The following FAT3 variants were observed in gnomAD, a reference collection of about 807,000 sequenced individuals.
The protein encoded by FAT3 is FAT atypical cadherin 3, also known as protocadherin Fat 3.
A neutral mutation model predicts 310.2 loss-of-function variants in FAT3; 95 were observed. The ratio of observed to expected loss-of-function variants is 0.31; its 90% CI spans 0.26 to 0.36. FAT3 has a LOEUF of 0.36. FAT3 is among the 10% of genes least tolerant of loss of function. FAT3 has a pLI of 1.00. For missense variants in FAT3, 5,408 were observed against 5,715.6 expected (o/e 0.95, Z 1.74); for synonymous variants, 2,314 against 2,192.9 (o/e 1.06, Z -1.54).
chr11:92,573,203 C>A (rs1389771132), intron 3 of FAT3, among the ~76,000 whole-genome samples: 3 of 152,058 alleles, frequency 2.0e-5, no homozygotes, highest in African/African-American at 7.2e-5. Flanking sequence ...TTTAAATTAC[C>A]ATCTTGGGTA....
At chr11:92,428,423 C>T (rs1041554759) in intron 2 of FAT3, among the ~76,000 whole-genome samples, 1 of 151,596 alleles carries the variant, frequency 6.6e-6, no homozygotes, top group African/African-American at 2.4e-5. Flanking sequence ...CTTCTGCTAG[C>T]TTTTGTACTT....
intron 3 of FAT3, among the ~76,000 whole-genome samples, chr11:92,552,505 A>C (rs1011141070): frequency 3.9e-5 from 6 of 152,196 alleles, no homozygotes; most frequent in African/African-American, 1.2e-4. Context: ...TATATTTACT[A>C]TTGCCAATAA....
At chr11:92,405,659 G>T (rs1321752618) in intron 2 of FAT3, among the ~76,000 whole-genome samples, 2 of 152,154 alleles carry the variant, frequency 1.3e-5, no homozygotes, top group Non-Finnish European at 2.9e-5. Context: ...GCTGAAGTGG[G>T]AGGGTCACTT....
At chr11:92,875,131 A>C (rs1949500412) in intron 22 of FAT3, among the ~76,000 whole-genome samples, 1 of 151,112 alleles carries the variant, frequency 6.6e-6, no homozygotes, top group Non-Finnish European at 1.5e-5. Flanking sequence ...GCCTTTTCAC[A>C]GAGGCTGAAC....
chr11:92,375,786 GGT>G (rs1323348951), intron 2 of FAT3, among the ~76,000 whole-genome samples: 1 of 152,052 alleles, frequency 6.6e-6, no homozygotes, highest in Non-Finnish European at 1.5e-5. Context: ...TGAGATGTTT[GGT>G]GACCATCCTT....
At chr11:92,853,736 G>A (rs1948894378) in intron 19 of FAT3, among the ~76,000 whole-genome samples, 1 of 152,176 alleles carries the variant, frequency 6.6e-6, no homozygotes, top group Non-Finnish European at 1.5e-5. Context: ...GCTCCTCTCT[G>A]CAGCTGCTAG....
intron 1 of FAT3, among the ~76,000 whole-genome samples, chr11:92,293,473 G>T (rs1401533820): frequency 7.0e-6 from 1 of 142,606 alleles, no homozygotes; most frequent in Non-Finnish European, 1.5e-5. Context: ...ACGTGACCCT[G>T]ATATATAACC....
At chr11:92,437,307 G>A (rs973675192) in intron 2 of FAT3, among the ~76,000 whole-genome samples, 15 of 152,092 alleles carry the variant, frequency 9.9e-5, no homozygotes, top group Non-Finnish European at 1.6e-4. Context: ...CATTTTAAAT[G>A]TGAGAAAAGG....
intron 2 of FAT3, among the ~76,000 whole-genome samples, chr11:92,370,653 T>C (rs1363098115): frequency 6.6e-6 from 1 of 152,240 alleles, no homozygotes; most frequent in Non-Finnish European, 1.5e-5. Context: ...TCACATGTAC[T>C]CTTTCTTTCA....
intron 2 of FAT3, among the ~76,000 whole-genome samples, chr11:92,446,067 T>G (rs1951201023): frequency 6.6e-6 from 1 of 152,236 alleles, no homozygotes; most frequent in Admixed American, 6.5e-5. Context: ...ATCTGTCATG[T>G]GCAGTCAAAT....
At chr11:92,505,211 T>C (rs1399389749) in intron 2 of FAT3, among the ~76,000 whole-genome samples, 1 of 152,138 alleles carries the variant, frequency 6.6e-6, no homozygotes, top group Admixed American at 6.6e-5. Context: ...GTTGAACCAA[T>C]TCCTGATGCT....
At chr11:92,671,674 A>T (rs564505810) in intron 3 of FAT3, among the ~76,000 whole-genome samples, 209 of 152,198 alleles carry the variant, frequency 1.4e-3, no homozygotes, top group Middle Eastern at 6.8e-3. Context: ...TTTGTTTAAC[A>T]TGTGTCTTTC....
At position 92,894,045 on chromosome 11, in the gene FAT3, C is replaced by G. The variant is rs1192543785; in HGVS notation, c.*2932C>G. ...TTACATCATATTGTTCACCCCTACA[C>G]TGCCTTGAGCATGGGAGTCACCTGG... On this transcript the variant is annotated 3_prime_UTR_variant, in exon 28 of 28. Coordinates refer to ENST00000525166, the MANE Select transcript of FAT3 (RefSeq NM_001367949.2). 1 of 152,238 alleles carries G rather than the reference C, an allele frequency of 6.6e-6. No individual in the cohort carries two copies. The highest frequency in any genetic ancestry group is 1.5e-5 in the Non-Finnish European group (1 of 68,044). The allele number at this position is 152,238 out of a possible 1,614,324, so 9.4% of individuals were successfully genotyped here.
intron 10 of FAT3, among the ~76,000 whole-genome samples, chr11:92,803,020 C>G (rs867356221): frequency 4.0e-5 from 3 of 75,610 alleles, no homozygotes; most frequent in African/African-American, 1.2e-4. Context: ...TATGATCTAT[C>G]TGAGACCTCT....
intron 1 of FAT3, among the ~76,000 whole-genome samples, chr11:92,319,068 C>A (rs889163603): frequency 6.6e-6 from 1 of 152,152 alleles, no homozygotes; most frequent in Non-Finnish European, 1.5e-5. Context: ...CACTCATACA[C>A]AATCTAAACA....
chr11:92,867,636 A>G (rs1434550445), intron 22 of FAT3, among the ~76,000 whole-genome samples: 3 of 152,246 alleles, frequency 2.0e-5, no homozygotes, highest in Non-Finnish European at 2.9e-5. Flanking sequence ...AGACGTAGAC[A>G]TAAAACCTTA....
intron 3 of FAT3, among the ~76,000 whole-genome samples, chr11:92,607,322 T>G (rs1591514388): frequency 6.7e-6 from 1 of 149,972 alleles, no homozygotes; most frequent in East Asian, 2.0e-4. Context: ...GGAAGGGGGG[T>G]GGGGGGAAAT....
intron 8 of FAT3, among the ~76,000 whole-genome samples, chr11:92,790,899 T>G (rs1947024561): frequency 6.6e-6 from 1 of 152,160 alleles, no homozygotes; most frequent in Non-Finnish European, 1.5e-5. Flanking sequence ...CACCCAAGAA[T>G]CTCTGCGGCA....
intron 2 of FAT3, among the ~76,000 whole-genome samples, chr11:92,467,473 C>A (rs1951794287): frequency 6.6e-6 from 1 of 152,118 alleles, no homozygotes; most frequent in Non-Finnish European, 1.5e-5. Flanking sequence ...CTTCTTCAGT[C>A]CCTACTTTGT....
Sources: allele counts gnomAD v4.1 joint callset (sites outside exome capture counted in the v4.1 genomes callset), GRCh38; gene constraint gnomAD v4.1.1; transcripts MANE v1.5; gene names NCBI Gene and HGNC (gene_info 2026-07-23, HGNC 2026-07-21).